Variants in RSPH14 observed in about 807,000 individuals in gnomAD.
The protein encoded by RSPH14 is rhabdoid tumor deletion region gene 1.
In RSPH14, 20 loss-of-function variants were observed where a neutral mutation model predicts 26.7. The observed-to-expected ratio is 0.75, with a 90% CI of 0.53 to 1.09. The LOEUF is 1.09. Among genes scored for constraint, RSPH14 ranks in the 50% least tolerant of loss-of-function variants. RSPH14 has a pLI of 0.00. For missense variants in RSPH14, 449 were observed against 457.2 expected (o/e 0.98, Z 0.16); for synonymous variants, 177 against 189.3 (o/e 0.93, Z 0.53).
intron 4 of RSPH14, among the ~76,000 whole-genome samples, chr22:23,130,079 GAAAGGAAGAAAGAAAGAAAGAAAGAA>G (rs1416978630): frequency 9.8e-5 from 3 of 30,498 alleles, no homozygotes; most frequent in African/African-American, 3.5e-4. Context: ...AAGAAAGAAA[GAAAGGAAGAAAGAAAGAAAGAAAGAA>G]AGAAAGAAAG....
chr22:23,168,222 G>A, the RSPH14 span, among the ~76,000 whole-genome samples: 2 of 152,118 alleles, frequency 1.3e-5, no homozygotes, highest in African/African-American at 4.8e-5. Context: ...TGGGGCATAA[G>A]CCCTGGGTCC....
rs869035514 is a variant in RSPH14 at position 23,085,710 on chromosome 22, CAG to C, written c.422-21579_422-21578del. 2.6e-4 allele frequency among the ~76,000 whole-genome samples: 39 copies of C among 152,354 alleles called. 1 individual carries two copies. The East Asian group carries it at 7.1e-3, about 28-fold the overall frequency. On this transcript the variant is annotated intron_variant, in intron 4 of 6. Coordinates refer to ENST00000216036, the MANE Select transcript of RSPH14 (RefSeq NM_014433.3). The stretch of plus-strand genomic sequence containing the variant: ...CCCTGGTTGTCCCAGCTTGTCCCAG[CAG>C]AGAGGGCCTCTGGCCCTGGTTCCCC...
rs59350606 is a variant in RSPH14, at chr22:23,103,908, C to G, written c.421+30118G>C. On this transcript the variant is annotated intron_variant, in intron 4 of 6. Transcript: ENST00000216036. The stretch of plus-strand genomic sequence containing the variant: ...TGCCTACAAATGCTGGCCGCATGCT[C>G]TCTGTGACTGGCCCTGAGCCTGCCC... 1.8e-4 allele frequency among the ~76,000 whole-genome samples: 27 copies of G among 152,358 alleles called. 2 individuals are homozygous for G. The East Asian group carries it at 4.4e-3, about 25-fold the overall frequency.
the RSPH14 span, among the ~76,000 whole-genome samples, chr22:23,156,864 C>T: frequency 2.6e-5 from 4 of 152,296 alleles, no homozygotes; most frequent in Admixed American, 1.3e-4. Context: ...GTGCGAGGCG[C>T]CTGGCCCACC....
the RSPH14 span, chr22:23,159,140 T>C: frequency 6.2e-7 from 1 of 1,609,148 alleles, no homozygotes; most frequent in Non-Finnish European, 8.5e-7. Context: ...GGACGCTGGG[T>C]CAACAAGGGC....
At chr22:23,146,832 C>T (rs938937931), upstream of RSPH14, 2 of 1,408,940 alleles carry the variant, frequency 1.4e-6, no homozygotes, top group Admixed American at 2.7e-5. Flanking sequence ...GGAGACTGGT[C>T]ACTGACTGCC....
At chr22:23,173,331 T>C in the RSPH14 span, among the ~76,000 whole-genome samples, 2 of 152,166 alleles carry the variant, frequency 1.3e-5, no homozygotes, top group African/African-American at 4.8e-5. Context: ...AGATGGGGTT[T>C]CAACATGTTA....
At chr22:23,088,631 C>T (rs902507405) in intron 4 of RSPH14, among the ~76,000 whole-genome samples, 4 of 152,148 alleles carry the variant, frequency 2.6e-5, no homozygotes, top group African/African-American at 9.7e-5. Context: ...GGGTCAGCTC[C>T]GGTAGGGTGG....
the RSPH14 span, among the ~76,000 whole-genome samples, chr22:23,152,816 TCA>T: frequency 6.6e-6 from 1 of 152,176 alleles, no homozygotes; most frequent in African/African-American, 2.4e-5. Context: ...TCAGTTTCGC[TCA>T]GTTTCTAACT....
chr22:23,180,009 TG>T, the RSPH14 span: 2 of 350,288 alleles, frequency 5.7e-6, no homozygotes, highest in South Asian at 7.7e-5. Flanking sequence ...ACACGACGAC[TG>T]GGCAGTGCCG....
At chr22:23,120,733 G>GC (rs924431797) in intron 4 of RSPH14, among the ~76,000 whole-genome samples, 1 of 151,908 alleles carries the variant, frequency 6.6e-6, no homozygotes, top group African/African-American at 2.4e-5. Flanking sequence ...CCCGGAGGAA[G>GC]CCCCCTACCC....
Position 23,059,448 on chromosome 22 carries a change from G to A in RSPH14, c.*14C>T. On this transcript the variant is annotated 3_prime_UTR_variant, in exon 7 of 7. Coordinates refer to ENST00000216036, the MANE Select transcript of RSPH14 (RefSeq NM_014433.3). ...CTTAGCACATTTATTCACTCACAGA[G>A]GTGAATGAAGGGCTCAGGGTTTGAA... 1 of 1,585,558 alleles carries A rather than the reference G, an allele frequency of 6.3e-7. No homozygotes were observed. Among genetic ancestry groups the A allele is most frequent in the Non-Finnish European group, 8.6e-7 (1 of 1,162,020 alleles).
chr22:23,139,008 A>C, intron 2 of RSPH14, 66 bp from the exon 3 acceptor site: 1 of 1,327,304 alleles, frequency 7.5e-7, no homozygotes, highest in Non-Finnish European at 1.0e-6. Flanking sequence ...AAACCAACCA[A>C]CCCAGAAGTC....
At chr22:23,076,269 A>C (rs2068505316) in intron 4 of RSPH14, among the ~76,000 whole-genome samples, 1 of 152,100 alleles carries the variant, frequency 6.6e-6, no homozygotes, top group Non-Finnish European at 1.5e-5. Flanking sequence ...CATTCATCGT[A>C]TGTGTTTGTG....
At chr22:23,078,112 C>G (rs1005517615) in intron 4 of RSPH14, among the ~76,000 whole-genome samples, 2 of 152,184 alleles carry the variant, frequency 1.3e-5, no homozygotes, top group Non-Finnish European at 2.9e-5. Context: ...AGGGCGGGTG[C>G]GGGTGGCCTG....
chr22:23,131,414 G>T (rs888776469), intron 4 of RSPH14: 2 of 259,870 alleles, frequency 7.7e-6, no homozygotes, highest in East Asian at 9.5e-5. Flanking sequence ...TGCTCTGGGT[G>T]GGGGGAGGTT....
intron 4 of RSPH14, among the ~76,000 whole-genome samples, chr22:23,103,436 G>A (rs1053904490): frequency 1.3e-5 from 2 of 152,104 alleles, no homozygotes; most frequent in South Asian, 2.1e-4. Flanking sequence ...TGAAGAACCC[G>A]ACAGTGTCCT....
At chr22:23,099,964 C>T (rs904763356) in intron 4 of RSPH14, among the ~76,000 whole-genome samples, 3 of 152,252 alleles carry the variant, frequency 2.0e-5, no homozygotes, top group African/African-American at 7.2e-5. Flanking sequence ...GTGTGGGATC[C>T]TTCAGAAGGC....
intron 4 of RSPH14, among the ~76,000 whole-genome samples, chr22:23,128,472 C>G (rs569994758): frequency 3.3e-5 from 5 of 152,218 alleles, no homozygotes; most frequent in Non-Finnish European, 5.9e-5. Context: ...TCTCCTGACA[C>G]GGCACCACCA....
Sources: gnomAD v4.1 joint callset for allele counts (sites outside exome capture counted in the v4.1 genomes callset) on GRCh38, gnomAD v4.1.1 for gene constraint, MANE v1.5 for transcripts, NCBI Gene and HGNC (gene_info 2026-07-23, HGNC 2026-07-21) for gene names.